The following FCN2 variants were observed in gnomAD, a reference collection of about 807,000 sequenced individuals.
FCN2 encodes the protein ficolin 2.
Under a neutral mutation model 32.5 loss-of-function variants are expected in FCN2, and 31 were observed. The observed-to-expected ratio is 0.96, with a 90% CI of 0.72 to 1.29. The LOEUF is 1.29. FCN2 is among the 50% of genes most tolerant of loss of function. The pLI, the probability that FCN2 is intolerant of heterozygous loss-of-function variation, is 0.00. For missense variants in FCN2, 412 were observed against 406.5 expected (o/e 1.01, Z -0.12); for synonymous variants, 181 against 164.5 (o/e 1.10, Z -0.77).
chr9:134,886,846 C>T (rs765256305), intron 7 of FCN2, among the ~76,000 whole-genome samples: 4 of 152,112 alleles, frequency 2.6e-5, no homozygotes, highest in East Asian at 3.9e-4. Flanking sequence ...GATATCTCTG[C>T]GGGGCATGGC....
chr9:134,867,663 TAAAAAAA>T, the FCN2 span, among the ~76,000 whole-genome samples: 1 of 140,210 alleles, frequency 7.1e-6, no homozygotes, highest in Non-Finnish European at 1.6e-5. Context: ...GGGGATACTT[TAAAAAAA>T]AAAAAAAAAG....
chr9:134,880,884 C>T lies in FCN2; in HGVS notation c.63C>T (p.Gly21=), dbSNP rs1159649715. ...GAATLLLSFL[G]MAWALQAADT... The stretch of plus-strand genomic sequence containing the variant: ...CCACCCTGCTGCTCTCTTTCCTGGG[C>T]ATGGCCTGGGCTCTCCAGGCGGCAG... The change falls in exon 1 of 8, where the codon GGC becomes GGT. Residue 21 remains glycine, a synonymous_variant. Transcript: ENST00000291744. 1 of 1,613,350 alleles carries T rather than the reference C, an allele frequency of 6.2e-7. No homozygotes were observed. Among genetic ancestry groups the T allele is most frequent in the East Asian group, 2.2e-5 (1 of 44,880 alleles).
intron 4 of FCN2, 79 bp from the exon 5 acceptor site, chr9:134,885,160 C>T: frequency 6.3e-7 from 1 of 1,590,104 alleles, no homozygotes; most frequent in East Asian, 2.2e-5. Context: ...CCTGCTTCTT[C>T]CTCCCAGGCC....
At chr9:134,887,088 C>G (rs1830768895) in intron 7 of FCN2, 80 bp from the exon 8 acceptor site, 1 of 1,544,042 alleles carries the variant, frequency 6.5e-7, no homozygotes, top group Non-Finnish European at 8.9e-7. Context: ...ACACACCAGG[C>G]CAGGCCTCAG....
intron 3 of FCN2, 100 bp downstream of exon 3, chr9:134,883,455 G>T: frequency 1.8e-6 from 2 of 1,106,050 alleles, no homozygotes; most frequent in Middle Eastern, 2.3e-4. Flanking sequence ...CGCTGTCCTC[G>T]CCAGAGCCAA....
At chr9:134,864,461 G>A in the FCN2 span, among the ~76,000 whole-genome samples, 1 of 152,212 alleles carries the variant, frequency 6.6e-6, no homozygotes, top group Admixed American at 6.5e-5. Flanking sequence ...AAGCCTTCGG[G>A]AGGGAGTGGC....
chr9:134,885,310 G>C lies in FCN2; in HGVS notation c.373G>C (p.Asp125His). ...CGGCTGGCACACCATCTACCTGCCC[G>C]ACTGCCGGCCCCTGACTGTGCTCTG... ...LSGWHTIYLPDCRPLTVLCDM... is the reference protein window; with the variant it reads ...LSGWHTIYLPHCRPLTVLCDM... The change falls in exon 5 of 8, where the codon GAC becomes CAC. Residue 125 changes from aspartate to histidine, a missense_variant. Transcript: ENST00000291744. The C allele has an allele frequency of 6.2e-7, 1 of 1,614,078 alleles. No homozygotes were observed. The highest frequency in any genetic ancestry group is 8.5e-7 in the Non-Finnish European group (1 of 1,180,016).
At chr9:134,882,994 T>C (rs1830686884) in intron 2 of FCN2, among the ~76,000 whole-genome samples, 1 of 152,136 alleles carries the variant, frequency 6.6e-6, no homozygotes, top group Non-Finnish European at 1.5e-5. Flanking sequence ...ATGAGGAAAC[T>C]GAGGCTCAGA....
At chr9:134,883,186 C>T (rs568210763) in intron 2 of FCN2, 116 bp from the exon 3 acceptor site, 22 of 924,922 alleles carry the variant, frequency 2.4e-5, no homozygotes, top group East Asian at 9.7e-5. Flanking sequence ...ACAGTCACGT[C>T]GTAGCACGAG....
chr9:134,875,676 C>A, the FCN2 span, among the ~76,000 whole-genome samples: 1 of 152,308 alleles, frequency 6.6e-6, no homozygotes, highest in East Asian at 1.9e-4. Context: ...AACCAAAAAC[C>A]AGCAAGAAAA....
At chr9:134,873,752 G>A in the FCN2 span, among the ~76,000 whole-genome samples, 1 of 152,192 alleles carries the variant, frequency 6.6e-6, no homozygotes, top group South Asian at 2.1e-4. Flanking sequence ...GAAAATCCCA[G>A]CAGCCCTGGG....
chr9:134,885,928 G>T (rs373442592), intron 6 of FCN2, 31 bp downstream of exon 6: 1 of 1,591,880 alleles, frequency 6.3e-7, no homozygotes, highest in Non-Finnish European at 8.6e-7. Flanking sequence ...TGGGGGTCGG[G>T]GGCCCTGAAT....
chr9:134,881,291 CAG>C (rs546675400), intron 1 of FCN2, among the ~76,000 whole-genome samples: 112 of 152,308 alleles, frequency 7.4e-4, no homozygotes, highest in Non-Finnish European at 1.4e-3. Context: ...GTCGCCATCA[CAG>C]AGAGACAGGG....
chr9:134,870,279 G>A, the FCN2 span, among the ~76,000 whole-genome samples: 1 of 152,206 alleles, frequency 6.6e-6, no homozygotes, highest in Non-Finnish European at 1.5e-5. This position sits in a 1 kb window ranked among gnomAD's most constrained non-coding sequence, Gnocchi z 4.3. Context: ...CCACGGTTCC[G>A]ACTCCGCTGC....
Position 134,887,470 on chromosome 9 carries a change from G to A in FCN2, c.*55G>A. 10 of 1,574,732 alleles carry A rather than the reference G, an allele frequency of 6.4e-6. No individual in the cohort carries two copies. Among genetic ancestry groups the A allele is most frequent in the Non-Finnish European group, 7.8e-6 (9 of 1,146,604 alleles). On this transcript the variant is annotated 3_prime_UTR_variant, in exon 8 of 8. Coordinates refer to ENST00000291744, the MANE Select transcript of FCN2 (RefSeq NM_004108.3). Reference sequence around the variant, plus strand: ...CCACACATAGTTGGTTGGGGGGTAGGGTTGGGAGCTTGGCCCTACGGTTTG... The same window carrying A: ...CCACACATAGTTGGTTGGGGGGTAGAGTTGGGAGCTTGGCCCTACGGTTTG...
upstream of FCN2, chr9:134,880,740 A>G: frequency 2.7e-6 from 3 of 1,100,014 alleles, no homozygotes; most frequent in Non-Finnish European, 2.8e-6. Flanking sequence ...CACTCGGAAG[A>G]TGAGAAATTG....
chr9:134,885,287 G>A lies in FCN2; in HGVS notation c.350G>A (p.Gly117Asp). 1.2e-6 allele frequency: 2 copies of A among 1,614,166 alleles called. No individual in the cohort carries two copies. The highest frequency in any genetic ancestry group is 1.7e-6 in the Non-Finnish European group (2 of 1,180,024). The change falls in exon 5 of 8, where the codon GGC becomes GAC. Residue 117 changes from glycine (G) to aspartate (D), a missense_variant. Transcript: ENST00000291744. ...CTAGACCGAGGGCACTTCCTGAGCGGCTGGCACACCATCTACCTGCCCGAC... is the reference window on the plus strand; with the variant it reads ...CTAGACCGAGGGCACTTCCTGAGCGACTGGCACACCATCTACCTGCCCGAC... ...DLLDRGHFLSGWHTIYLPDCR... is the reference protein window; with the variant it reads ...DLLDRGHFLSDWHTIYLPDCR...
the FCN2 span, among the ~76,000 whole-genome samples, chr9:134,865,221 T>A: frequency 6.7e-4 from 102 of 152,308 alleles, no homozygotes; most frequent in African/African-American, 2.3e-3. Context: ...AGGCTCCAGA[T>A]CTTCCCTGGG....
At chr9:134,879,719 T>C (rs1258654215), upstream of FCN2, among the ~76,000 whole-genome samples, 2 of 152,282 alleles carry the variant, frequency 1.3e-5, no homozygotes, top group East Asian at 1.9e-4. Flanking sequence ...TCCATGGGCA[T>C]TGAAGGAAAA....
Sources: allele counts gnomAD v4.1 joint callset (sites outside exome capture counted in the v4.1 genomes callset), GRCh38; gene constraint gnomAD v4.1.1; non-coding constraint Gnocchi (gnomAD v3.1); transcripts MANE v1.5; gene names NCBI Gene and HGNC (gene_info 2026-07-23, HGNC 2026-07-21).